Variants in RFTN1 observed in about 807,000 individuals in gnomAD.
The protein encoded by RFTN1 is raftlin, lipid raft linker 1.
In RFTN1, 26 loss-of-function variants were observed where a neutral mutation model predicts 46.5. That is an observed-to-expected ratio of 0.56 (90% CI 0.41 to 0.78). The LOEUF (loss-of-function observed/expected upper bound fraction) is 0.78, where lower values mean the gene tolerates loss of function less well. Among genes scored for constraint, RFTN1 ranks in the 30% least tolerant of loss-of-function variants. The pLI, the probability that RFTN1 is intolerant of heterozygous loss-of-function variation, is 0.00. For synonymous variants in RFTN1, 261 were observed against 284.2 expected, an observed-to-expected ratio of 0.92 and a Z score of 0.82; for missense variants, 693 against 718.7, an observed-to-expected ratio of 0.96 and a Z score of 0.41.
At chr3:16,454,775 C>T in intron 2 of RFTN1, 6 of 985,422 alleles carry the variant, frequency 6.1e-6, no homozygotes, top group Non-Finnish European at 7.2e-6. Context: ...ATCTAGCACT[C>T]ACCATCACAG....
chr3:16,410,212 T>C lies in RFTN1; in HGVS notation c.333-729A>G, dbSNP rs944822772. On this transcript the variant is annotated intron_variant, in intron 3 of 9. Coordinates refer to ENST00000334133, the MANE Select transcript of RFTN1 (RefSeq NM_015150.2). The surrounding 1 kb of genome is among the most constrained non-coding windows in gnomAD (Gnocchi z 4.6). ...TTGGTACAATACAGCTTACATGTTA[T>C]ACACACACACACACACACACACACA... 5.7e-5 allele frequency among the ~76,000 whole-genome samples: 8 copies of C among 141,320 alleles called. No individual in the cohort carries two copies. Among genetic ancestry groups the C allele is most frequent in the African/African-American group, 1.1e-4 (4 of 37,178 alleles). 92.7% of individuals were successfully genotyped at this position (141,320 alleles called of 152,430 possible). A position where few individuals can be genotyped will look rare whatever the true frequency, so the allele number is the denominator to read the frequency against.
At chr3:16,394,947 G>C (rs1387937897) in intron 4 of RFTN1, among the ~76,000 whole-genome samples, 1 of 152,100 alleles carries the variant, frequency 6.6e-6, no homozygotes, top group African/African-American at 2.4e-5. Flanking sequence ...GCTTGAAACT[G>C]TGTTAGATAG....
intron 3 of RFTN1, among the ~76,000 whole-genome samples, chr3:16,431,500 G>GAA (rs34673484): frequency 2.1e-5 from 3 of 141,972 alleles, no homozygotes; most frequent in African/African-American, 2.6e-5. Context: ...ACAGCAGGGA[G>GAA]AAAAAAAAAA....
Position 16,326,804 on chromosome 3 carries a change from C to G in RFTN1, c.1219G>C (p.Val407Leu), listed in dbSNP as rs1169908696. ...LAAYGWQLTC[V>L]LPTPVVKTTS... ...GTCTTGACGACGGGAGTTGGTAGCACACAGGTGAGCTGCCAGCCATAGGCC... is the reference window on the plus strand; with the variant it reads ...GTCTTGACGACGGGAGTTGGTAGCAGACAGGTGAGCTGCCAGCCATAGGCC... The change falls in exon 8 of 10, where the codon GTG (valine) becomes CTG (leucine). Residue 407 changes from valine to leucine, a missense_variant. By Grantham distance (32) the Val-to-Leu change is conservative (BLOSUM62 1). Coordinates refer to ENST00000334133, the MANE Select transcript of RFTN1 (RefSeq NM_015150.2). 1.2e-6 allele frequency: 2 copies of G among 1,614,118 alleles called. No individual in the cohort carries two copies. The highest frequency in any genetic ancestry group is 1.7e-6 in the Non-Finnish European group (2 of 1,180,002).
In RFTN1 at chr3:16,443,948, T is replaced by C. The variant is rs1268654782; in HGVS notation, c.146-9911A>G. On this transcript the variant is annotated intron_variant, in intron 2 of 9. Transcript: ENST00000334133. The surrounding 1 kb of genome is among the most constrained non-coding windows in gnomAD (Gnocchi z 5.5). The stretch of plus-strand genomic sequence containing the variant: ...AGGCTAAGATACATCAAGAAGCCTT[T>C]TTAAGAAACACCAGGTCCCCTGATG... Among the ~76,000 whole-genome samples the C allele has an allele frequency of 1.3e-5, 2 of 152,212 alleles. No individual in the cohort carries two copies. Among genetic ancestry groups the C allele is most frequent in the Non-Finnish European group, 2.9e-5 (2 of 68,036 alleles).
chr3:16,423,372 C>T (rs1465389785), intron 3 of RFTN1, among the ~76,000 whole-genome samples: 2 of 152,166 alleles, frequency 1.3e-5, no homozygotes, highest in Non-Finnish European at 2.9e-5. Context: ...CAGTCCCACA[C>T]ACAATTGTCT....
In RFTN1 at chr3:16,506,276, G is replaced by T. The variant is rs2076804323; in HGVS notation, c.-9+7166C>A. Among the ~76,000 whole-genome samples, 1 of 152,114 alleles carries T rather than the reference G, an allele frequency of 6.6e-6. No homozygotes were observed. Among genetic ancestry groups the T allele is most frequent in the Admixed American group, 6.5e-5 (1 of 15,282 alleles). ...GGCAGGTGCAAACAAGCTGGGGTGT[G>T]GGGCCCCTGGGAGGCTGAGCAGACC... On this transcript the variant is annotated intron_variant, in intron 1 of 9. Coordinates refer to ENST00000334133, the MANE Select transcript of RFTN1 (RefSeq NM_015150.2). The surrounding 1 kb of genome is among the most constrained non-coding windows in gnomAD (Gnocchi z 4.8).
At chr3:16,362,440 A>T (rs921435415) in intron 6 of RFTN1, among the ~76,000 whole-genome samples, 6 of 152,212 alleles carry the variant, frequency 3.9e-5, no homozygotes, top group African/African-American at 1.4e-4. Context: ...TTTGGGGTCC[A>T]AGGTGAGTAT....
Position 16,468,975 on chromosome 3 carries a change from G to A in RFTN1, c.145+24750C>T, listed in dbSNP as rs561266561. 1.3e-5 allele frequency among the ~76,000 whole-genome samples: 2 copies of A among 152,190 alleles called. No homozygotes were observed. Among genetic ancestry groups the A allele is most frequent in the South Asian group, 2.1e-4 (1 of 4,830 alleles). On this transcript the variant is annotated intron_variant, in intron 2 of 9. Transcript: ENST00000334133. This position sits in a 1 kb window ranked among gnomAD's most constrained non-coding sequence, Gnocchi z 4.4. ...CCCCATCACTCAGCCTGCCTGAATC[G>A]CATCTGACACTGGCCACTAAGGTGG... is the stretch of plus-strand genomic sequence containing the variant.
rs986908351 is a variant in RFTN1, at chr3:16,384,119, A to ATTC, written c.442-6020_442-6018dup. Among the ~76,000 whole-genome samples the ATTC allele has an allele frequency of 4.6e-5, 7 of 152,196 alleles. No homozygotes were observed. The highest frequency in any genetic ancestry group is 1.7e-4 in the African/African-American group (7 of 41,448). The stretch of plus-strand genomic sequence containing the variant: ...ACTGAGATTTCCCAAAGGAAAAAGA[A>ATTC]TTCTGCCTCTGGACTGCAACACAGA... On this transcript the variant is annotated intron_variant, in intron 4 of 9. Transcript: ENST00000334133. This position sits in a 1 kb window ranked among gnomAD's most constrained non-coding sequence, Gnocchi z 4.7.
chr3:16,478,109 C>T (rs979232939), intron 2 of RFTN1, among the ~76,000 whole-genome samples: 3 of 152,166 alleles, frequency 2.0e-5, no homozygotes, highest in Non-Finnish European at 4.4e-5. Context: ...GTGGTGGCTG[C>T]TAAGCACTCA....
In RFTN1 at chr3:16,457,632, C is replaced by T. The variant is rs1401560816; in HGVS notation, c.146-23595G>A. ...AAAATTTTAGTTTTTTGTTTCGGTG[C>T]CTCTGATTGAAAGTGGCAAGTGCTG... is the stretch of plus-strand genomic sequence containing the variant. On this transcript the variant is annotated intron_variant, in intron 2 of 9. Coordinates refer to ENST00000334133, the MANE Select transcript of RFTN1 (RefSeq NM_015150.2). This position sits in a 1 kb window ranked among gnomAD's most constrained non-coding sequence, Gnocchi z 4.2. Among the ~76,000 whole-genome samples, 1 of 151,966 alleles carries T rather than the reference C, an allele frequency of 6.6e-6. No individual in the cohort carries two copies. Among genetic ancestry groups the T allele is most frequent in the African/African-American group, 2.4e-5 (1 of 41,344 alleles).
intron 5 of RFTN1, among the ~76,000 whole-genome samples, chr3:16,373,775 A>G (rs180882390): frequency 6.6e-6 from 1 of 152,294 alleles, no homozygotes; most frequent in Non-Finnish European, 1.5e-5. Context: ...GGGCAGTCCA[A>G]GCTGGGTGGG....
chr3:16,320,358 G>A lies in RFTN1; in HGVS notation c.1332+3018C>T, dbSNP rs1170990076. On this transcript the variant is annotated intron_variant, in intron 9 of 9. Transcript: ENST00000334133. The surrounding 1 kb of genome is among the most constrained non-coding windows in gnomAD (Gnocchi z 4.5). The stretch of plus-strand genomic sequence containing the variant: ...GAAGACTAAATATGCCACATCCTCG[G>A]TGTGCCAATCTTGCAGTTTCTTTTC... Among the ~76,000 whole-genome samples, 1 of 152,184 alleles carries A rather than the reference G, an allele frequency of 6.6e-6. No individual in the cohort carries two copies. The highest frequency in any genetic ancestry group is 1.5e-5 in the Non-Finnish European group (1 of 68,038).
At position 16,378,009 on chromosome 3, in the gene RFTN1, A is replaced by G. The variant is rs1200804719; in HGVS notation, c.535T>C (p.Ser179Pro). The change falls in exon 5 of 10, where the codon TCT becomes CCT. Residue 179 changes from serine to proline, a missense_variant. By Grantham distance (74) the Ser-to-Pro change is moderately conservative. Coordinates refer to ENST00000334133, the MANE Select transcript of RFTN1 (RefSeq NM_015150.2). ...GCATCCTCGGTGCTGTTGGCAGTAG[A>G]CACCGGAGCACTGCTGCCTGCCGAG... ...VNSAGSSAPV[S>P]TANSTEDARD... The G allele has an allele frequency of 6.2e-7, 1 of 1,614,222 alleles. No individual in the cohort carries two copies. Among genetic ancestry groups the G allele is most frequent in the South Asian group, 1.1e-5 (1 of 91,086 alleles).
chr3:16,404,683 C>T (rs568419885), intron 4 of RFTN1, among the ~76,000 whole-genome samples: 2 of 152,038 alleles, frequency 1.3e-5, no homozygotes, highest in South Asian at 2.1e-4. Context: ...CGGCACAGAG[C>T]TGCCCACCTT....
At chr3:16,417,642 G>C (rs2075108627) in intron 3 of RFTN1, among the ~76,000 whole-genome samples, 2 of 152,162 alleles carry the variant, frequency 1.3e-5, no homozygotes, top group South Asian at 4.1e-4. Context: ...GTCTGCCAAG[G>C]GTGGTGTAGT....
rs373169330 is a variant in RFTN1, at chr3:16,384,761, CAAATAAAATAAAATT to C, written c.442-6674_442-6660del. Among the ~76,000 whole-genome samples, 167 of 152,240 alleles carry C rather than the reference CAAATAAAATAAAATT, an allele frequency of 1.1e-3. 1 individual carries two copies. The highest frequency in any genetic ancestry group is 3.5e-3 in the African/African-American group (147 of 41,544). ...GTGGCTATTTAAATTTAAATTAATT[CAAATAAAATAAAATT>C]TAAATATTCCTCTCCTTAGTCACAT... On this transcript the variant is annotated intron_variant, in intron 4 of 9. Transcript: ENST00000334133. The surrounding 1 kb of genome is among the most constrained non-coding windows in gnomAD (Gnocchi z 4.7).
Position 16,384,225 on chromosome 3 carries a change from C to T in RFTN1, c.442-6123G>A, listed in dbSNP as rs1043256646. Among the ~76,000 whole-genome samples, 1 of 152,210 alleles carries T rather than the reference C, an allele frequency of 6.6e-6. No homozygotes were observed. The highest frequency in any genetic ancestry group is 1.5e-5 in the Non-Finnish European group (1 of 68,038). On this transcript the variant is annotated intron_variant, in intron 4 of 9. Transcript: ENST00000334133. This position sits in a 1 kb window ranked among gnomAD's most constrained non-coding sequence, Gnocchi z 4.7. Reference sequence around the variant, plus strand: ...CCTGAATGTCCAGTCTGCTGGACTGCCCTGCAGATGTCAGACTTGTTGGCC... The same window carrying T: ...CCTGAATGTCCAGTCTGCTGGACTGTCCTGCAGATGTCAGACTTGTTGGCC...
Sources: allele counts gnomAD v4.1 joint callset (sites outside exome capture counted in the v4.1 genomes callset), GRCh38; gene constraint gnomAD v4.1.1; non-coding constraint Gnocchi (gnomAD v3.1); transcripts MANE v1.5; gene names NCBI Gene and HGNC (gene_info 2026-07-23, HGNC 2026-07-21).